SPATA1: variants seen among roughly 807,000 people sequenced by gnomAD.
SPATA1 encodes spermatogenesis associated 1, also known as spermatogenesis-associated protein 1.
In SPATA1, 57 loss-of-function variants were observed where a neutral mutation model predicts 59.6. The observed-to-expected ratio is 0.96, with a 90% CI of 0.77 to 1.19. The LOEUF is 1.19. SPATA1 is among the 50% of genes most tolerant of loss of function. SPATA1 has a pLI of 0.00. For synonymous variants in SPATA1, 147 were observed against 163.9 expected, an observed-to-expected ratio of 0.90 and a Z score of 0.79; for missense variants, 448 against 480.7, an observed-to-expected ratio of 0.93 and a Z score of 0.64.
chr1:84,563,428 C>A, intron 4 of SPATA1: 1 of 1,478,712 alleles, frequency 6.8e-7, no homozygotes, highest in Non-Finnish European at 9.0e-7. Context: ...CCTAGAAATG[C>A]AAAAGTGCTC....
chr1:84,560,101 GAAA>G (rs1684561103), intron 4 of SPATA1, among the ~76,000 whole-genome samples: 4 of 15,634 alleles, frequency 2.6e-4, no homozygotes, highest in Admixed American at 1.9e-3. Context: ...AAAAAAAAAA[GAAA>G]GAAAGAAAGA....
intron 1 of SPATA1, chr1:84,507,294 G>C (rs1682305493): frequency 6.6e-6 from 1 of 152,066 alleles, no homozygotes; most frequent in Non-Finnish European, 1.5e-5. Flanking sequence ...AATTGCACTG[G>C]TCAACAAAAT....
chr1:84,552,879 C>T (rs1006102677), intron 12 of SPATA1: 2 of 572,626 alleles, frequency 3.5e-6, no homozygotes, highest in African/African-American at 3.9e-5. Context: ...ATAATCTACA[C>T]ATTTACTGTA....
intron 12 of SPATA1, chr1:84,551,233 T>C (rs1558616875): frequency 8.1e-6 from 8 of 984,950 alleles, no homozygotes; most frequent in Non-Finnish European, 9.6e-6. Flanking sequence ...ACGATAATTA[T>C]ATGAATGCTC....
At chr1:84,507,727 A>G (rs947608987) in intron 1 of SPATA1, among the ~76,000 whole-genome samples, 1 of 152,222 alleles carries the variant, frequency 6.6e-6, no homozygotes, top group Non-Finnish European at 1.5e-5. Context: ...TGTAAAATAT[A>G]TCACTGAACT....
chr1:84,512,175 C>T (rs962435308), intron 1 of SPATA1, among the ~76,000 whole-genome samples: 1 of 152,190 alleles, frequency 6.6e-6, no homozygotes, highest in Non-Finnish European at 1.5e-5. Flanking sequence ...AAAATACTCC[C>T]ATCATCTGTC....
At chr1:84,513,891 G>T (rs1273913733) in intron 1 of SPATA1, among the ~76,000 whole-genome samples, 3 of 143,122 alleles carry the variant, frequency 2.1e-5, no homozygotes, top group Non-Finnish European at 4.5e-5. Flanking sequence ...ACCCAGGCTG[G>T]AGTGCAGTGG....
chr1:84,530,254 T>C (rs923694899), intron 6 of SPATA1, among the ~76,000 whole-genome samples: 3 of 152,184 alleles, frequency 2.0e-5, no homozygotes, highest in African/African-American at 7.2e-5. Flanking sequence ...GCAGATTGTT[T>C]AGTACCTATC....
chr1:84,543,629 C>A (rs1683983653), intron 8 of SPATA1, among the ~76,000 whole-genome samples: 1 of 152,082 alleles, frequency 6.6e-6, no homozygotes, highest in Admixed American at 6.5e-5. Context: ...CAATCACCTC[C>A]CACCAGGCCC....
At chr1:84,525,665 C>A in intron 4 of SPATA1, 31 bp from the exon 5 acceptor site, 2 of 1,540,646 alleles carry the variant, frequency 1.3e-6, no homozygotes, top group South Asian at 1.3e-5. Flanking sequence ...GTAGCAAAAG[C>A]TTTAATTTTT....
exon 6 of SPATA1, chr1:84,525,987 T>C (rs1683206266): frequency 6.2e-7 from 1 of 1,613,716 alleles, no homozygotes; most frequent in East Asian, 2.2e-5. Flanking sequence ...CCAATTAGTG[T>C]AACTTTGTTC....
At chr1:84,541,087 C>T (rs1423700298) in intron 8 of SPATA1, among the ~76,000 whole-genome samples, 3 of 152,166 alleles carry the variant, frequency 2.0e-5, no homozygotes, top group African/African-American at 7.2e-5. Flanking sequence ...AAGTGTGATG[C>T]CAACTTGATT....
At chr1:84,565,044 A>G (rs1473367046) in intron 4 of SPATA1, among the ~76,000 whole-genome samples, 1 of 151,894 alleles carries the variant, frequency 6.6e-6, no homozygotes, top group Non-Finnish European at 1.5e-5. Context: ...GTCTCAGAAA[A>G]AGAAAAAAAT....
intron 6 of SPATA1, among the ~76,000 whole-genome samples, chr1:84,531,647 C>A (rs1219332631): frequency 1.4e-5 from 2 of 147,086 alleles, no homozygotes; most frequent in Non-Finnish European, 3.0e-5. Context: ...GATCATGGCT[C>A]ACTACAGCCT....
chr1:84,507,638 TA>T (rs1411479751), intron 1 of SPATA1, among the ~76,000 whole-genome samples: 1 of 152,272 alleles, frequency 6.6e-6, no homozygotes, highest in Non-Finnish European at 1.5e-5. Flanking sequence ...TGTATAATGC[TA>T]AAACGTCATT....
At chr1:84,553,158 A>C (rs1158486389) in exon 13 of SPATA1, 3 of 1,221,150 alleles carry the variant, frequency 2.5e-6, no homozygotes, top group African/African-American at 3.1e-5. Flanking sequence ...TTGTAAAAAA[A>C]TTTAAATATG....
chr1:84,543,605 C>A (rs887745111), intron 8 of SPATA1, among the ~76,000 whole-genome samples: 6 of 152,094 alleles, frequency 3.9e-5, no homozygotes, highest in African/African-American at 1.4e-4. Flanking sequence ...ATGGGGAAAT[C>A]TGCCCCCATG....
chr1:84,528,192 T>C (rs1683311326), intron 6 of SPATA1, among the ~76,000 whole-genome samples: 1 of 152,234 alleles, frequency 6.6e-6, no homozygotes, highest in South Asian at 2.1e-4. Context: ...TTGATATTTG[T>C]GGTAATTGTT....
chr1:84,520,530 A>AT (rs5775789), intron 2 of SPATA1, 55 bp from the exon 3 acceptor site: 7 of 975,874 alleles, frequency 7.2e-6, no homozygotes, highest in Non-Finnish European at 8.7e-6. Context: ...ACATCAATTG[A>AT]TTTTTTTTTT....
Sources: allele counts gnomAD v4.1 joint callset (sites outside exome capture counted in the v4.1 genomes callset), GRCh38; gene constraint gnomAD v4.1.1; transcripts MANE v1.5; gene names NCBI Gene and HGNC (gene_info 2026-07-23, HGNC 2026-07-21).